Variants in ZNF503 observed in about 807,000 individuals in gnomAD.
The protein encoded by ZNF503 is zinc finger protein 503, also known as NocA-like zinc finger 2.
A neutral mutation model predicts 34.4 loss-of-function variants in ZNF503; 15 were observed. The observed-to-expected ratio is 0.44, with a 90% confidence interval of 0.29 to 0.67. The LOEUF (loss-of-function observed/expected upper bound fraction) is 0.67. Among genes scored for constraint, ZNF503 ranks in the 30% least tolerant of loss-of-function variants. ZNF503 has a pLI of 0.13. For missense variants in ZNF503, 1,007 were observed against 926.8 expected (o/e 1.09, Z -1.12); for synonymous variants, 580 against 456.8 (o/e 1.27, Z -3.44).
chr10:75,389,708 C>T, the ZNF503 span, among the ~76,000 whole-genome samples: 6 of 152,042 alleles, frequency 3.9e-5, no homozygotes, highest in Non-Finnish European at 7.4e-5. Flanking sequence ...CCAGTCTGGG[C>T]GACAAAACGA....
the ZNF503 span, among the ~76,000 whole-genome samples, chr10:75,341,071 G>A: frequency 9.9e-5 from 15 of 152,146 alleles, no homozygotes; most frequent in African/African-American, 2.9e-4. Flanking sequence ...CTGTGTGGAC[G>A]CCCAGTTTTA....
At chr10:75,348,580 C>T in the ZNF503 span, among the ~76,000 whole-genome samples, 1 of 141,066 alleles carries the variant, frequency 7.1e-6, no homozygotes, top group African/African-American at 2.6e-5. Flanking sequence ...GGCACAATCT[C>T]AGCTCACTGC....
the ZNF503 span, among the ~76,000 whole-genome samples, chr10:75,299,767 G>C: frequency 6.6e-6 from 1 of 152,190 alleles, no homozygotes; most frequent in Non-Finnish European, 1.5e-5. Context: ...GCCGAGCCGT[G>C]AAACCAGCAA....
the ZNF503 span, among the ~76,000 whole-genome samples, chr10:75,298,467 G>A: frequency 3.9e-5 from 6 of 152,212 alleles, no homozygotes; most frequent in African/African-American, 1.4e-4. Context: ...TTTAACGCCT[G>A]GCTTCTTTCA....
the ZNF503 span, among the ~76,000 whole-genome samples, chr10:75,313,798 G>A: frequency 5.3e-5 from 8 of 152,222 alleles, no homozygotes; most frequent in African/African-American, 1.9e-4. Context: ...ATGAACTTGA[G>A]CATTTCAGGG....
the ZNF503 span, among the ~76,000 whole-genome samples, chr10:75,312,741 TA>T: frequency 6.6e-5 from 10 of 150,482 alleles, no homozygotes; most frequent in East Asian, 1.9e-4. Context: ...GTAGACAGAT[TA>T]AAAAAAAACA....
At chr10:75,332,468 CTT>C in the ZNF503 span, among the ~76,000 whole-genome samples, 633 of 140,822 alleles carry the variant, frequency 4.5e-3, 4 homozygotes, top group African/African-American at 0.014. Flanking sequence ...TTAAATTTTT[CTT>C]TTTTTTTTTT....
At chr10:75,361,185 G>A in the ZNF503 span, 5 of 152,230 alleles carry the variant, frequency 3.3e-5, no homozygotes, top group Non-Finnish European at 7.3e-5. Flanking sequence ...CTCACTCTGA[G>A]ACTTAGTTTC....
intron 1 of ZNF503, 50 bp from the exon 2 acceptor site, chr10:75,400,424 A>G (rs1843782012): frequency 1.9e-6 from 3 of 1,545,390 alleles, no homozygotes; most frequent in Non-Finnish European, 2.6e-6. Context: ...AAAGAAGTGG[A>G]AACCCTTTAG....
At chr10:75,290,476 G>T in the ZNF503 span, among the ~76,000 whole-genome samples, 1 of 152,110 alleles carries the variant, frequency 6.6e-6, no homozygotes, top group Non-Finnish European at 1.5e-5. Flanking sequence ...ACCACAAGCT[G>T]CATGGTCTCT....
chr10:75,364,613 C>T, the ZNF503 span, among the ~76,000 whole-genome samples: 33 of 152,222 alleles, frequency 2.2e-4, no homozygotes, highest in Admixed American at 2.1e-3. Flanking sequence ...TCCAGAAAGC[C>T]CCATCACCCA....
the ZNF503 span, among the ~76,000 whole-genome samples, chr10:75,320,662 TAAAGA>T: frequency 2.0e-5 from 3 of 151,694 alleles, no homozygotes; most frequent in African/African-American, 7.3e-5. Flanking sequence ...TAAAAAAAAT[TAAAGA>T]AAAGATAAGA....
Position 75,398,316 on chromosome 10 carries a change from C to T in ZNF503, c.*433G>A, listed in dbSNP as rs1379767222. The T allele has an allele frequency of 6.3e-6, 1 of 157,900 alleles. No individual in the cohort carries two copies. The highest frequency in any genetic ancestry group is 1.4e-5 in the Non-Finnish European group (1 of 72,040). 9.8% of individuals were successfully genotyped at this position (157,900 alleles called of 1,614,324 possible). A position where few individuals can be genotyped will look rare whatever the true frequency, so the allele number is the denominator to read the frequency against. On this transcript the variant is annotated 3_prime_UTR_variant, in exon 2 of 2. Transcript: ENST00000372524. ...ACAAGGGATGGGAGGGTTTGTTTTC[C>T]ACATTTTTACCCTCAAGTTTTAAAA...
the ZNF503 span, among the ~76,000 whole-genome samples, chr10:75,318,668 CAAA>C: frequency 1.3e-3 from 155 of 117,298 alleles, no homozygotes; most frequent in African/African-American, 1.6e-3. Context: ...GATCCTGTCT[CAAA>C]AAAAAAAAAA....
At chr10:75,342,893 G>A in the ZNF503 span, among the ~76,000 whole-genome samples, 1 of 152,188 alleles carries the variant, frequency 6.6e-6, no homozygotes, top group Non-Finnish European at 1.5e-5. Context: ...TTTGCTGATT[G>A]AATGTATAAG....
At chr10:75,388,567 C>T in the ZNF503 span, among the ~76,000 whole-genome samples, 1 of 152,336 alleles carries the variant, frequency 6.6e-6, no homozygotes, top group South Asian at 2.1e-4. Context: ...GAGCCTCATA[C>T]ACTATAACAA....
At position 75,398,744 on chromosome 10, in the gene ZNF503, C is replaced by A; in HGVS notation, c.*5G>T. The A allele has an allele frequency of 7.3e-7, 1 of 1,378,144 alleles. No homozygotes were observed. Among genetic ancestry groups the A allele is most frequent in the Non-Finnish European group, 9.3e-7 (1 of 1,070,122 alleles). The allele number at this position is 1,378,144 out of a possible 1,614,324, so 85.4% of individuals were successfully genotyped here. A position where few individuals can be genotyped will look rare whatever the true frequency, so the allele number is the denominator to read the frequency against. On this transcript the variant is annotated 3_prime_UTR_variant, in exon 2 of 2. Coordinates refer to ENST00000372524, the MANE Select transcript of ZNF503 (RefSeq NM_032772.6). ...CCTCTCCCTCGCTCGCCCTCCCGGC[C>A]GCCCTCACTGATACCCCAGCGCCGA...
the ZNF503 span, among the ~76,000 whole-genome samples, chr10:75,381,805 C>CT: frequency 0.041 from 1,594 of 38,534 alleles, 542 homozygotes; most frequent in African/African-American, 0.12. Context: ...GAACCTAATT[C>CT]TTTTTTTTTT....
chr10:75,399,496 C>A lies in ZNF503; in HGVS notation c.1194G>T (p.Ala398=), dbSNP rs750168325. The A allele has an allele frequency of 1.3e-6, 2 of 1,567,390 alleles. No individual in the cohort carries two copies. The highest frequency in any genetic ancestry group is 1.7e-6 in the Non-Finnish European group (2 of 1,163,652). The change falls in exon 2 of 2, where the codon GCG becomes GCT. Residue 398 remains alanine (A), a synonymous_variant. Transcript: ENST00000372524. ...SLVGAQLAAA[A]AGSLGCSKPA... is the part of the protein sequence containing the mutation. ...GCTTACTGCAGCCCAGAGACCCGGC[C>A]GCGGCCGCCGCCAGCTGCGCCCCCA...
Sources: gnomAD v4.1 joint callset for allele counts (sites outside exome capture counted in the v4.1 genomes callset) on GRCh38, gnomAD v4.1.1 for gene constraint, MANE v1.5 for transcripts, NCBI Gene and HGNC (gene_info 2026-07-23, HGNC 2026-07-21) for gene names.